The following MAPRE2 variants were observed in gnomAD, a reference collection of about 807,000 sequenced individuals.
The protein encoded by MAPRE2 is microtubule-associated protein RP/EB family member 2.
Under a neutral mutation model 43.2 loss-of-function variants are expected in MAPRE2, and 13 were observed. That is an observed-to-expected ratio of 0.30 (90% CI 0.20 to 0.48). MAPRE2 has a LOEUF of 0.48. MAPRE2 is among the 20% of genes least tolerant of loss of function. The pLI, the probability that MAPRE2 is intolerant of heterozygous loss-of-function variation, is 0.99. For missense variants in MAPRE2, 161 were observed against 400.2 expected, an observed-to-expected ratio of 0.40 and a Z score of 5.10; for synonymous variants, 135 against 148.8, an observed-to-expected ratio of 0.91 and a Z score of 0.68.
intron 2 of MAPRE2, among the ~76,000 whole-genome samples, chr18:35,084,602 C>A (rs1378702971): frequency 1.3e-5 from 2 of 152,202 alleles, no homozygotes; most frequent in East Asian, 3.8e-4. Context: ...ACAGTTTATT[C>A]TGTGTGTTCA....
At chr18:35,106,273 T>A (rs1908899999) in intron 4 of MAPRE2, among the ~76,000 whole-genome samples, 1 of 152,094 alleles carries the variant, frequency 6.6e-6, no homozygotes, top group South Asian at 2.1e-4. Context: ...TTTTTTTTTA[T>A]TTTGAGTTTG....
intron 1 of MAPRE2, among the ~76,000 whole-genome samples, chr18:34,994,046 T>C (rs11660848): frequency 0.38 from 56,913 of 148,550 alleles, 11,287 homozygotes; most frequent in African/African-American, 0.47. Context: ...AAGTTTTAAA[T>C]GTTTATAGCA....
intron 2 of MAPRE2, among the ~76,000 whole-genome samples, chr18:35,008,619 A>G (rs947562251): frequency 6.6e-6 from 1 of 152,144 alleles, no homozygotes; most frequent in East Asian, 1.9e-4. Flanking sequence ...ATGTGCTTTA[A>G]TTCTTACTAT....
At position 35,058,913 on chromosome 18, in the gene MAPRE2, T is replaced by G. The variant is rs151150866; in HGVS notation, c.123-11282T>G. 4.2e-3 allele frequency among the ~76,000 whole-genome samples: 633 copies of G among 152,300 alleles called. 3 individuals carry two copies. Among genetic ancestry groups the G allele is most frequent in the Non-Finnish European group, 7.2e-3 (493 of 68,024 alleles). ...CAATTAAAAGCAAGAATCCTGGAAT[T>G]CATCCTAGGTCCAAATCCCTGCTTT... On this transcript the variant is annotated intron_variant, in intron 1 of 6. Transcript: ENST00000300249.
At chr18:35,041,364 G>C, upstream of MAPRE2, 2 of 1,452,132 alleles carry the variant, frequency 1.4e-6, no homozygotes, top group South Asian at 2.8e-5. Flanking sequence ...TCTGACGTCA[G>C]CTGCCAGAGG....
At chr18:35,041,235 C>G (rs1603392911), upstream of MAPRE2, 3 of 1,080,482 alleles carry the variant, frequency 2.8e-6, no homozygotes, top group African/African-American at 3.2e-5. Flanking sequence ...GCCCCGGTGC[C>G]TGCCTGGAGC....
At chr18:35,030,891 A>G (rs1263096707) in intron 2 of MAPRE2, among the ~76,000 whole-genome samples, 1 of 152,210 alleles carries the variant, frequency 6.6e-6, no homozygotes, top group African/African-American at 2.4e-5. Context: ...TCTTGAACAA[A>G]TCATGCTCCT....
chr18:35,053,841 G>T (rs1351530483), intron 1 of MAPRE2, among the ~76,000 whole-genome samples: 1 of 152,122 alleles, frequency 6.6e-6, no homozygotes. Context: ...TGGTTACTGG[G>T]CTTAATACCT....
intron 2 of MAPRE2, among the ~76,000 whole-genome samples, chr18:35,093,144 G>A (rs1208038440): frequency 6.8e-6 from 1 of 147,538 alleles, no homozygotes; most frequent in African/African-American, 2.5e-5. Context: ...CCTGGGAGGT[G>A]GACGTTGCAG....
rs1568984688 is a variant in MAPRE2 at position 35,050,242 on chromosome 18, TAA to T, written c.122+8582_122+8583del. Among the ~76,000 whole-genome samples, 3 of 152,200 alleles carry T rather than the reference TAA, an allele frequency of 2.0e-5. No homozygotes were observed. In the South Asian group the frequency reaches 6.2e-4, roughly 32 times the overall value. On this transcript the variant is annotated intron_variant, in intron 1 of 6. Transcript: ENST00000300249. The stretch of plus-strand genomic sequence containing the variant: ...AATAGCATAGGTTTTTAAAATTAAA[TAA>T]GTTTCAGTTTGAACTTAATGAGGTT...
intron 2 of MAPRE2, chr18:35,070,765 C>T (rs1907077562): frequency 6.6e-6 from 1 of 152,564 alleles, no homozygotes; most frequent in South Asian, 2.1e-4. Context: ...CCACCCTCCA[C>T]ATCTCTCTCC....
chr18:35,023,806 C>T (rs1313920855), intron 2 of MAPRE2, among the ~76,000 whole-genome samples: 2 of 152,056 alleles, frequency 1.3e-5, no homozygotes, highest in Admixed American at 6.6e-5. Context: ...AAGCCACTGA[C>T]TAAATGATGC....
At chr18:35,092,669 A>G (rs538740124) in intron 2 of MAPRE2, among the ~76,000 whole-genome samples, 1 of 152,248 alleles carries the variant, frequency 6.6e-6, no homozygotes, top group African/African-American at 2.4e-5. Context: ...AGCAGAATGA[A>G]AAGACAACCT....
At chr18:35,127,389 C>T (rs1669934049) in intron 5 of MAPRE2, 2 of 286,814 alleles carry the variant, frequency 7.0e-6, no homozygotes, top group Non-Finnish European at 1.3e-5. Flanking sequence ...CCAGGCTAGA[C>T]CGTTGCCCAT....
At chr18:35,108,223 T>C (rs1018382811) in intron 4 of MAPRE2, among the ~76,000 whole-genome samples, 3 of 152,174 alleles carry the variant, frequency 2.0e-5, no homozygotes, top group African/African-American at 7.2e-5. Context: ...CATGCAGTGT[T>C]TGGTTTTCTG....
intron 2 of MAPRE2, among the ~76,000 whole-genome samples, chr18:35,013,187 G>A (rs1257981727): frequency 6.6e-6 from 1 of 152,044 alleles, no homozygotes; most frequent in East Asian, 1.9e-4. Context: ...GAGGAAGGGA[G>A]AAATTGAGAA....
intron 2 of MAPRE2, among the ~76,000 whole-genome samples, chr18:35,085,711 T>C (rs1326990103): frequency 6.6e-6 from 1 of 152,200 alleles, no homozygotes; most frequent in African/African-American, 2.4e-5. Flanking sequence ...CAAGTATCCC[T>C]TAAAAGAGAA....
At chr18:35,022,060 T>C (rs1000422248) in intron 2 of MAPRE2, among the ~76,000 whole-genome samples, 1 of 152,166 alleles carries the variant, frequency 6.6e-6, no homozygotes, top group Non-Finnish European at 1.5e-5. Context: ...CTGAGGGAAG[T>C]GATTTTGGAC....
intron 6 of MAPRE2, among the ~76,000 whole-genome samples, chr18:35,139,790 C>G (rs983014262): frequency 6.6e-6 from 1 of 152,170 alleles, no homozygotes; most frequent in African/African-American, 2.4e-5. Flanking sequence ...CAGGGCGACA[C>G]TGCCGAGCAA....
Sources: allele counts gnomAD v4.1 joint callset (sites outside exome capture counted in the v4.1 genomes callset), GRCh38; gene constraint gnomAD v4.1.1; transcripts MANE v1.5; gene names NCBI Gene and HGNC (gene_info 2026-07-23, HGNC 2026-07-21).